The following CELF4 variants were observed in gnomAD, a reference collection of about 807,000 sequenced individuals.
CELF4 encodes CUGBP Elav-like family member 4.
A neutral mutation model predicts 59.9 loss-of-function variants in CELF4; 18 were observed. The ratio of observed to expected loss-of-function variants is 0.30; its 90% CI spans 0.21 to 0.45. The LOEUF is 0.45. Ranked by LOEUF, CELF4 falls within the 20% of genes least tolerant of loss-of-function variation. The pLI is 1.00. For synonymous variants in CELF4, 261 were observed against 267.1 expected, an observed-to-expected ratio of 0.98 and a Z score of 0.22; for missense variants, 456 against 689.0, an observed-to-expected ratio of 0.66 and a Z score of 3.79.
intron 11 of CELF4, among the ~76,000 whole-genome samples, chr18:37,255,677 A>G (rs541913146): frequency 1.3e-5 from 2 of 152,192 alleles, no homozygotes; most frequent in Admixed American, 1.3e-4. Flanking sequence ...CAGTTTTCAA[A>G]TATGTGAATT....
intron 11 of CELF4, among the ~76,000 whole-genome samples, chr18:37,257,349 CTTG>C (rs981495417): frequency 2.0e-5 from 3 of 152,162 alleles, no homozygotes; most frequent in Admixed American, 6.5e-5. Context: ...TGATTTCCAG[CTTG>C]TTGTTTTTAC....
At chr18:37,313,648 A>G (rs1046534249) in intron 3 of CELF4, among the ~76,000 whole-genome samples, 2 of 152,176 alleles carry the variant, frequency 1.3e-5, no homozygotes, top group African/African-American at 4.8e-5. Context: ...CCCGCACTCC[A>G]CAGCTGGTGG....
At chr18:37,381,156 AC>A (rs1251631739) in intron 2 of CELF4, among the ~76,000 whole-genome samples, 12 of 151,860 alleles carry the variant, frequency 7.9e-5, no homozygotes, top group African/African-American at 2.9e-4. Flanking sequence ...CCATCCATCC[AC>A]CTACCATTCA....
At chr18:37,351,421 C>T (rs1421651020) in intron 2 of CELF4, among the ~76,000 whole-genome samples, 4 of 152,158 alleles carry the variant, frequency 2.6e-5, no homozygotes, top group Non-Finnish European at 5.9e-5. Flanking sequence ...CCAACGTATA[C>T]CAGAATGACT....
At chr18:37,350,468 G>C (rs529884438) in intron 2 of CELF4, among the ~76,000 whole-genome samples, 1 of 152,230 alleles carries the variant, frequency 6.6e-6, no homozygotes, top group South Asian at 2.1e-4. Context: ...GCTCAACCCT[G>C]GCCTTGCTCT....
In CELF4 at chr18:37,253,623, G is replaced by A. The variant is rs2066966671; in HGVS notation, c.*44+144C>T. On this transcript the variant is annotated intron_variant, in intron 12 of 12. Transcript: ENST00000420428. The surrounding 1 kb of genome is among the most constrained non-coding windows in gnomAD (Gnocchi z 4.5). ...GACGGCAGCTCTGCGCCTGGCCCGA[G>A]GAGCAGGGCGAGGAGCAGGTTGAGC... 1 of 566,774 alleles carries A rather than the reference G, an allele frequency of 1.8e-6. No homozygotes were observed. Among genetic ancestry groups the A allele is most frequent in the Non-Finnish European group, 2.9e-6 (1 of 348,546 alleles). 35.1% of individuals were successfully genotyped at this position (566,774 alleles called of 1,614,324 possible).
chr18:37,482,960 C>CT (rs1296433659), intron 2 of CELF4, among the ~76,000 whole-genome samples: 8 of 151,926 alleles, frequency 5.3e-5, no homozygotes, highest in Admixed American at 1.3e-4. Flanking sequence ...TTTCCAGGTT[C>CT]TTTTTTTTCA....
chr18:37,293,134 A>C (rs1000657197), intron 3 of CELF4, among the ~76,000 whole-genome samples: 1 of 152,244 alleles, frequency 6.6e-6, no homozygotes, highest in African/African-American at 2.4e-5. Context: ...CTGCATCCTC[A>C]GCCCAGGCTC....
Position 37,244,577 on chromosome 18 carries a change from T to A in CELF4, c.*665A>T, listed in dbSNP as rs1011801156. ...TTTCCTTTTTTTGTTGTTTTTTTTG[T>A]TTTTTGTTTTTTTTTTAATTTTTTA... On this transcript the variant is annotated 3_prime_UTR_variant, in exon 13 of 13. Coordinates refer to ENST00000420428, the MANE Select transcript of CELF4 (RefSeq NM_020180.4). 2 of 152,016 alleles carry A rather than the reference T, an allele frequency of 1.3e-5. No individual in the cohort carries two copies. The allele number at this position is 152,016 out of a possible 1,614,324, so 9.4% of individuals were successfully genotyped here.
intron 3 of CELF4, among the ~76,000 whole-genome samples, chr18:37,291,928 C>T (rs754213264): frequency 6.6e-6 from 1 of 152,130 alleles, no homozygotes; most frequent in Non-Finnish European, 1.5e-5. Flanking sequence ...CCAAAATTCA[C>T]ACGCTGAAAT....
chr18:37,369,706 T>G (rs1344006226), intron 2 of CELF4, among the ~76,000 whole-genome samples: 5 of 152,360 alleles, frequency 3.3e-5, no homozygotes, highest in Non-Finnish European at 4.4e-5. Context: ...TTAAATCCTA[T>G]GGACTGGAAT....
intron 1 of CELF4, among the ~76,000 whole-genome samples, chr18:37,560,423 T>G (rs1336713251): frequency 6.6e-6 from 1 of 152,238 alleles, no homozygotes; most frequent in East Asian, 1.9e-4. Flanking sequence ...ACATCTGGAA[T>G]TTGGAGTTTG....
chr18:37,520,885 T>C (rs751732554), intron 1 of CELF4, among the ~76,000 whole-genome samples: 5 of 152,118 alleles, frequency 3.3e-5, no homozygotes, highest in African/African-American at 1.2e-4. Context: ...GGAATGCAGA[T>C]TGATGGACAG....
chr18:37,564,990 G>A (rs2099987740), intron 1 of CELF4, among the ~76,000 whole-genome samples: 1 of 151,736 alleles, frequency 6.6e-6, no homozygotes, highest in African/African-American at 2.4e-5. Context: ...AGGAGCCCGC[G>A]AGTCCGTCCG....
chr18:37,282,650 C>T (rs2094291954), intron 3 of CELF4, among the ~76,000 whole-genome samples: 1 of 152,202 alleles, frequency 6.6e-6, no homozygotes, highest in Admixed American at 6.5e-5. Flanking sequence ...CAGGGGTCTG[C>T]ACTCCCATCC....
chr18:37,353,956 C>T (rs2956968), intron 2 of CELF4, among the ~76,000 whole-genome samples: 150,604 of 151,904 alleles, frequency 0.99, 74,660 homozygotes, highest in East Asian at 1. Context: ...GGTGTTTCAC[C>T]GTGTTAGCCA....
intron 1 of CELF4, among the ~76,000 whole-genome samples, chr18:37,488,489 G>C (rs887525748): frequency 1.3e-5 from 2 of 152,170 alleles, no homozygotes; most frequent in Non-Finnish European, 2.9e-5. Flanking sequence ...AGGCTATTGA[G>C]AGCTGTTCAA....
intron 1 of CELF4, among the ~76,000 whole-genome samples, chr18:37,531,912 A>C (rs890275500): frequency 6.6e-6 from 1 of 152,150 alleles, no homozygotes; most frequent in African/African-American, 2.4e-5. Context: ...AACAGGATCT[A>C]CCTGTTAACT....
At chr18:37,310,467 GC>G (rs1048680079) in intron 3 of CELF4, among the ~76,000 whole-genome samples, 2 of 152,052 alleles carry the variant, frequency 1.3e-5, no homozygotes, top group African/African-American at 4.8e-5. Flanking sequence ...TGCAAAGTAG[GC>G]CCCCCATTCT....
Sources: gnomAD v4.1 joint callset for allele counts (sites outside exome capture counted in the v4.1 genomes callset) on GRCh38, gnomAD v4.1.1 for gene constraint, Gnocchi (gnomAD v3.1) non-coding constraint, MANE v1.5 for transcripts, NCBI Gene and HGNC (gene_info 2026-07-23, HGNC 2026-07-21) for gene names.